The following IKZF2 variants were observed in gnomAD, a reference collection of about 807,000 sequenced individuals.
The protein encoded by IKZF2 is IKAROS family zinc finger 2.
Under a neutral mutation model 49.2 loss-of-function variants are expected in IKZF2, and 15 were observed. That is an observed-to-expected ratio of 0.30 (90% CI 0.20 to 0.47). IKZF2 has a LOEUF of 0.47. Among genes scored for constraint, IKZF2 ranks in the 20% least tolerant of loss-of-function variants. The pLI, the probability that IKZF2 is intolerant of heterozygous loss-of-function variation, is 1.00. For synonymous variants in IKZF2, 227 were observed against 221.4 expected, an observed-to-expected ratio of 1.03 and a Z score of -0.23; for missense variants, 567 against 664.6, an observed-to-expected ratio of 0.85 and a Z score of 1.61.
chr2:213,082,632 C>T (rs1405491813), intron 4 of IKZF2, among the ~76,000 whole-genome samples: 1 of 152,168 alleles, frequency 6.6e-6, no homozygotes, highest in Non-Finnish European at 1.5e-5. Flanking sequence ...TTACTCAAGG[C>T]ACTCAGTATA....
chr2:213,052,074 T>C (rs964089179), intron 5 of IKZF2, among the ~76,000 whole-genome samples: 2 of 152,048 alleles, frequency 1.3e-5, no homozygotes. Flanking sequence ...ATTTTAAAAT[T>C]CACCTAATTG....
intron 4 of IKZF2, among the ~76,000 whole-genome samples, chr2:213,110,173 G>GT (rs1229425461): frequency 6.6e-6 from 1 of 151,896 alleles, no homozygotes; most frequent in Non-Finnish European, 1.5e-5. Context: ...TGGTTTAGTT[G>GT]TTATTATTAG....
chr2:213,020,724 T>C (rs138602040), intron 7 of IKZF2, among the ~76,000 whole-genome samples: 56 of 152,160 alleles, frequency 3.7e-4, no homozygotes, highest in African/African-American at 1.2e-3. Context: ...AATTCCCAAC[T>C]CAACAACACA....
chr2:213,030,438 T>C (rs773654926), intron 6 of IKZF2, among the ~76,000 whole-genome samples: 7 of 152,170 alleles, frequency 4.6e-5, no homozygotes, highest in Non-Finnish European at 8.8e-5. Context: ...TAGGTGTCTG[T>C]CAAAAATCAT....
chr2:213,101,549 T>A (rs899961770), intron 4 of IKZF2, among the ~76,000 whole-genome samples: 13 of 47,088 alleles, frequency 2.8e-4, no homozygotes, highest in Non-Finnish European at 4.7e-4. Flanking sequence ...AATTCTGAGA[T>A]TACAAAAAAA....
intron 4 of IKZF2, among the ~76,000 whole-genome samples, chr2:213,094,673 C>T (rs1319438347): frequency 1.3e-5 from 2 of 152,138 alleles, no homozygotes; most frequent in Non-Finnish European, 2.9e-5. Context: ...GAGGAAAAGT[C>T]TCTTTCTCAA....
chr2:213,048,557 A>C (rs1379454760), intron 6 of IKZF2, among the ~76,000 whole-genome samples: 1 of 152,122 alleles, frequency 6.6e-6, no homozygotes, highest in Non-Finnish European at 1.5e-5. Flanking sequence ...TATAATTTTG[A>C]TAGCACAATT....
chr2:213,079,651 T>C (rs1703716110), intron 4 of IKZF2, among the ~76,000 whole-genome samples: 1 of 152,152 alleles, frequency 6.6e-6, no homozygotes, highest in African/African-American at 2.4e-5. Flanking sequence ...AAAGCTTGTG[T>C]TGTCCCACCA....
intron 6 of IKZF2, among the ~76,000 whole-genome samples, chr2:213,036,170 G>A (rs1699002465): frequency 6.6e-6 from 1 of 152,088 alleles, no homozygotes; most frequent in South Asian, 2.1e-4. Context: ...CTGTGGGTGT[G>A]TATGTGTGTG....
At chr2:213,085,865 G>T (rs145724015) in intron 4 of IKZF2, among the ~76,000 whole-genome samples, 8 of 152,256 alleles carry the variant, frequency 5.3e-5, no homozygotes, top group African/African-American at 1.9e-4. Flanking sequence ...GTTAATGATA[G>T]GTGTCAAGAT....
chr2:213,087,631 C>T (rs1398369774), intron 4 of IKZF2, among the ~76,000 whole-genome samples: 3 of 152,116 alleles, frequency 2.0e-5, no homozygotes, highest in African/African-American at 7.2e-5. Flanking sequence ...TCTCCTAATG[C>T]TATCCCTCTA....
intron 7 of IKZF2, 105 bp downstream of exon 7, chr2:213,021,888 T>A: frequency 8.1e-7 from 1 of 1,233,838 alleles, no homozygotes; most frequent in Non-Finnish European, 1.1e-6. Context: ...CTCATTTAAG[T>A]TAAAGTGATC....
chr2:213,133,719 T>TAAAC (rs1365757467), intron 4 of IKZF2, among the ~76,000 whole-genome samples: 3 of 150,672 alleles, frequency 2.0e-5, no homozygotes, highest in Admixed American at 6.6e-5. Flanking sequence ...AATAAATAAA[T>TAAAC]AAATAAATAA....
At chr2:213,089,366 T>TTCACTTTTGTGCAGGCCTCC (rs1187907192) in intron 4 of IKZF2, among the ~76,000 whole-genome samples, 34 of 152,274 alleles carry the variant, frequency 2.2e-4, no homozygotes, top group Middle Eastern at 3.4e-3. Flanking sequence ...CTCAGGCCTC[T>TTCACTTTTGTGCAGGCCTCC]TCACTTTTGT....
chr2:213,097,092 A>C (rs1706093801), intron 4 of IKZF2, among the ~76,000 whole-genome samples: 1 of 151,980 alleles, frequency 6.6e-6, no homozygotes, highest in African/African-American at 2.4e-5. Flanking sequence ...AGACCAAGAG[A>C]TAATACATCA....
intron 4 of IKZF2, among the ~76,000 whole-genome samples, chr2:213,127,743 CCTAT>C (rs1343208206): frequency 2.6e-5 from 4 of 152,114 alleles, no homozygotes; most frequent in Non-Finnish European, 5.9e-5. Context: ...CTCTTTAAGT[CCTAT>C]CTATCATCAG....
chr2:213,081,311 T>G (rs913940642), intron 4 of IKZF2: 1 of 154,062 alleles, frequency 6.5e-6, no homozygotes, highest in Non-Finnish European at 1.5e-5. Context: ...CATTAGTAGA[T>G]TCAATTAAAT....
intron 4 of IKZF2, among the ~76,000 whole-genome samples, chr2:213,139,969 T>C (rs965697823): frequency 6.6e-6 from 1 of 151,906 alleles, no homozygotes; most frequent in Non-Finnish European, 1.5e-5. Flanking sequence ...AAAATATCAA[T>C]TCATTTGGAC....
Position 213,067,755 on chromosome 2 carries a change from T to C in IKZF2, c.140-10656A>G, listed in dbSNP as rs1010788331. Among the ~76,000 whole-genome samples, 6 of 152,076 alleles carry C rather than the reference T, an allele frequency of 3.9e-5. No homozygotes were observed. The South Asian group carries it at 1.0e-3, about 26-fold the overall frequency. ...ATGGCACTAGTGAAAGGTATGCATA[T>C]AGATATATGTGTCTGTCTTTTTATA... On this transcript the variant is annotated intron_variant, in intron 4 of 8. Coordinates refer to ENST00000434687, the MANE Select transcript of IKZF2 (RefSeq NM_001387220.1).
Sources: allele counts gnomAD v4.1 joint callset (sites outside exome capture counted in the v4.1 genomes callset), GRCh38; gene constraint gnomAD v4.1.1; transcripts MANE v1.5; gene names NCBI Gene and HGNC (gene_info 2026-07-23, HGNC 2026-07-21).